ZNF441: variants seen among roughly 807,000 people sequenced by gnomAD.
The protein encoded by ZNF441 is zinc finger protein 441.
A neutral mutation model predicts 64.5 loss-of-function variants in ZNF441; 25 were observed. That is an observed-to-expected ratio of 0.39 (90% confidence interval 0.28 to 0.54). The LOEUF is 0.54. ZNF441 is among the 20% of genes least tolerant of loss of function. The pLI is 0.70. For missense variants in ZNF441, 715 were observed against 843.3 expected, an observed-to-expected ratio of 0.85 and a Z score of 1.88; for synonymous variants, 262 against 268.0, an observed-to-expected ratio of 0.98 and a Z score of 0.22.
At position 11,783,233 on chromosome 19, in the gene ZNF441, C is replaced by A. The variant is rs1975418081; in HGVS notation, c.*1327C>A. 6.6e-6 allele frequency: 1 copy of A among 151,996 alleles called. No homozygotes were observed. The highest frequency in any genetic ancestry group is 2.1e-4 in the South Asian group (1 of 4,820). 9.4% of individuals were successfully genotyped at this position (151,996 alleles called of 1,614,324 possible). On this transcript the variant is annotated 3_prime_UTR_variant, in exon 4 of 4. Coordinates refer to ENST00000357901, the MANE Select transcript of ZNF441 (RefSeq NM_152355.3). ...ATGATTAGGAAAATGCAAATTGAAA[C>A]CACAATGAGATACTCTACTTAGAAT...
chr19:11,780,822 A>G lies in ZNF441; in HGVS notation c.998A>G (p.Glu333Gly). Reference sequence around the variant, plus strand: ...AGACATAAAAGAACTCACACTGGAGAGAAACCGTATGAATGTAAGTATTGT... The same window carrying G: ...AGACATAAAAGAACTCACACTGGAGGGAAACCGTATGAATGTAAGTATTGT... ...VRRHKRTHTG[E>G]KPYECKYCGK... The change falls in exon 4 of 4, where the codon GAG becomes GGG. Residue 333 changes from glutamate to glycine, a missense_variant. Around this residue, in one of 2 missense-constraint regions of ZNF441, gnomAD observed 399 missense variants for 413.9 expected, o/e 0.96. Transcript: ENST00000357901. 2.5e-6 allele frequency: 4 copies of G among 1,614,204 alleles called. No individual in the cohort carries two copies. The highest frequency in any genetic ancestry group is 3.4e-6 in the Non-Finnish European group (4 of 1,180,028).
chr19:11,778,107 A>G (rs988487535), intron 2 of ZNF441: 6 of 491,104 alleles, frequency 1.2e-5, no homozygotes, highest in African/African-American at 4.0e-5. Context: ...TTGTCTTTAC[A>G]TTGAGTAGAC....
intron 3 of ZNF441, among the ~76,000 whole-genome samples, chr19:11,778,732 G>T (rs1403513455): frequency 6.6e-6 from 1 of 152,146 alleles, no homozygotes; most frequent in African/African-American, 2.4e-5. Context: ...GGCAGGTATT[G>T]CAGGCATGAG....
At chr19:11,779,135 G>A (rs772502703) in intron 3 of ZNF441, among the ~76,000 whole-genome samples, 3 of 151,184 alleles carry the variant, frequency 2.0e-5, no homozygotes, top group Non-Finnish European at 4.4e-5. Flanking sequence ...CCTGGGCAAC[G>A]TGGCAAGACG....
At chr19:11,779,464 C>T (rs1352526136) in intron 3 of ZNF441, among the ~76,000 whole-genome samples, 1 of 151,832 alleles carries the variant, frequency 6.6e-6, no homozygotes, top group Non-Finnish European at 1.5e-5. Context: ...GGTGAAACCT[C>T]GTCTCTATAA....
intron 3 of ZNF441, among the ~76,000 whole-genome samples, chr19:11,779,318 CAAAAA>C (rs67463970): frequency 1.9e-5 from 2 of 103,450 alleles, no homozygotes; most frequent in Non-Finnish European, 4.1e-5. Flanking sequence ...AACCCAGTTT[CAAAAA>C]AAAAAAAAAA....
chr19:11,774,484 T>C (rs1975339611), intron 1 of ZNF441, among the ~76,000 whole-genome samples: 1 of 152,200 alleles, frequency 6.6e-6, no homozygotes, highest in Admixed American at 6.5e-5. Flanking sequence ...TTAGTCTAAA[T>C]AACTTCAATT....
intron 1 of ZNF441, among the ~76,000 whole-genome samples, chr19:11,776,044 G>A (rs1975353010): frequency 6.6e-6 from 1 of 152,160 alleles, no homozygotes; most frequent in Admixed American, 6.5e-5. Context: ...GGTTTTTTAT[G>A]TATTTTGCAA....
At position 11,782,141 on chromosome 19, in the gene ZNF441, G is replaced by T; in HGVS notation, c.*235G>T. 2.6e-6 allele frequency: 1 copy of T among 378,538 alleles called. No homozygotes were observed. The highest frequency in any genetic ancestry group is 4.7e-6 in the Non-Finnish European group (1 of 211,108). The allele number at this position is 378,538 out of a possible 1,614,324, so 23.4% of individuals were successfully genotyped here. A position where few individuals can be genotyped will look rare whatever the true frequency, so the allele number is the denominator to read the frequency against. The stretch of plus-strand genomic sequence containing the variant: ...CTTTGTCTAGCAAACTTTCAAAGGT[G>T]GTTATTATAACATACTAGCAATGGA... On this transcript the variant is annotated 3_prime_UTR_variant, in exon 4 of 4. Coordinates refer to ENST00000357901, the MANE Select transcript of ZNF441 (RefSeq NM_152355.3).
chr19:11,768,817 G>A (rs436643), intron 1 of ZNF441, among the ~76,000 whole-genome samples: 53,911 of 152,098 alleles, frequency 0.35, 9,934 homozygotes, highest in Middle Eastern at 0.41. Context: ...CCAATTGGAT[G>A]GTGGTATTAA....
In ZNF441 at chr19:11,767,873, C is replaced by A. The variant is rs1975283300; in HGVS notation, c.3+677C>A. 6.6e-6 allele frequency among the ~76,000 whole-genome samples: 1 copy of A among 152,164 alleles called. No individual in the cohort carries two copies. The highest frequency in any genetic ancestry group is 6.5e-5 in the Admixed American group (1 of 15,290). The stretch of plus-strand genomic sequence containing the variant: ...TGCTGTGGCCTGACTCTTGGGGAGG[C>A]GGCCCCGCGAGGCAGCGGGGCTGAG... On this transcript the variant is annotated intron_variant, in intron 1 of 3. Coordinates refer to ENST00000357901, the MANE Select transcript of ZNF441 (RefSeq NM_152355.3). This position sits in a 1 kb window ranked among gnomAD's most constrained non-coding sequence, Gnocchi z 5.1.
chr19:11,767,071 C>A lies in ZNF441; in HGVS notation c.-123C>A. On this transcript the variant is annotated 5_prime_UTR_variant, in exon 1 of 4. Transcript: ENST00000357901. The surrounding 1 kb of genome is among the most constrained non-coding windows in gnomAD (Gnocchi z 5.1). ...CCGCCGAGTCTTCTCCACGCCCCTG[C>A]ACTGGGCTCCGGGTTCTGTCACTGA... 1 of 1,449,594 alleles carries A rather than the reference C, an allele frequency of 6.9e-7. No homozygotes were observed. Among genetic ancestry groups the A allele is most frequent in the Non-Finnish European group, 9.4e-7 (1 of 1,058,944 alleles). 89.8% of individuals were successfully genotyped at this position (1,449,594 alleles called of 1,614,324 possible).
chr19:11,774,070 T>G (rs577134085), intron 1 of ZNF441, among the ~76,000 whole-genome samples: 3 of 152,258 alleles, frequency 2.0e-5, no homozygotes, highest in African/African-American at 7.2e-5. Flanking sequence ...TCTATGAGTA[T>G]AGTAAATCTC....
In ZNF441 at chr19:11,780,622, C is replaced by T. The variant is rs773607784; in HGVS notation, c.798C>T (p.Tyr266=). Residue 266 remains tyrosine, a synonymous_variant, in exon 4 of 4, where the codon TAC becomes TAT. Coordinates refer to ENST00000357901, the MANE Select transcript of ZNF441 (RefSeq NM_152355.3). The part of the protein sequence containing the change: ...QCGKAFSCSC[Y]TQLYERTHTG... ...GGAAAGCCTTCAGTTGTTCCTGTTA[C>T]ACTCAACTATATGAAAGGACTCACA... 5.0e-6 allele frequency: 8 copies of T among 1,614,120 alleles called. No homozygotes were observed. Among genetic ancestry groups the T allele is most frequent in the Non-Finnish European group, 6.8e-6 (8 of 1,180,026 alleles).
intron 1 of ZNF441, among the ~76,000 whole-genome samples, chr19:11,772,374 C>T (rs531865116): frequency 6.6e-6 from 1 of 152,236 alleles, no homozygotes; most frequent in African/African-American, 2.4e-5. Context: ...AGAAACTCAC[C>T]GACCCTGTGG....
chr19:11,780,795 G>A lies in ZNF441; in HGVS notation c.971G>A (p.Arg324Gln), dbSNP rs772340262. Residue 324 changes from arginine (R) to glutamine (Q), a missense_variant, in exon 4 of 4, where the codon CGA (arginine) becomes CAA (glutamine). By Grantham distance (43) the Arg-to-Gln change is conservative. Coordinates refer to ENST00000357901, the MANE Select transcript of ZNF441 (RefSeq NM_152355.3). ...GKGFLSPSSV[R>Q]RHKRTHTGEK... ...GGCTTTCTTTCTCCCAGTTCAGTTC[G>A]AAGACATAAAAGAACTCACACTGGA... 15 of 1,613,920 alleles carry A rather than the reference G, an allele frequency of 9.3e-6. No homozygotes were observed. The highest frequency in any genetic ancestry group is 4.0e-5 in the African/African-American group (3 of 74,884).
intron 3 of ZNF441, 139 bp from the exon 4 acceptor site, chr19:11,779,880 C>A: frequency 1.3e-6 from 1 of 748,538 alleles, no homozygotes; most frequent in Non-Finnish European, 2.1e-6. Context: ...CACTACACTC[C>A]AGCCTGGGCA....
At chr19:11,770,735 G>A (rs1975306475) in intron 1 of ZNF441, among the ~76,000 whole-genome samples, 1 of 152,000 alleles carries the variant, frequency 6.6e-6, no homozygotes, top group Non-Finnish European at 1.5e-5. Flanking sequence ...GTGGCTGGAT[G>A]TGCCACCCCA....
In ZNF441 at chr19:11,783,756, G is replaced by C. The variant is rs1975423214; in HGVS notation, c.*1850G>C. 1 of 152,116 alleles carries C rather than the reference G, an allele frequency of 6.6e-6. No homozygotes were observed. Among genetic ancestry groups the C allele is most frequent in the African/African-American group, 2.4e-5 (1 of 41,442 alleles). The allele number at this position is 152,116 out of a possible 1,614,324, so 9.4% of individuals were successfully genotyped here. A position where few individuals can be genotyped will look rare whatever the true frequency, so the allele number is the denominator to read the frequency against. On this transcript the variant is annotated 3_prime_UTR_variant, in exon 4 of 4. Coordinates refer to ENST00000357901, the MANE Select transcript of ZNF441 (RefSeq NM_152355.3). ...GATAGGGAATAGAATAAGTTATCCG[G>C]GGCTGAGAAGGGGAAATGAAGAGAA...
Sources: gnomAD v4.1 joint callset for allele counts (sites outside exome capture counted in the v4.1 genomes callset) on GRCh38, gnomAD v4.1.1 for gene constraint, gnomAD v4.1.1 regional missense constraint, Gnocchi (gnomAD v3.1) non-coding constraint, MANE v1.5 for transcripts, NCBI Gene and HGNC (gene_info 2026-07-23, HGNC 2026-07-21) for gene names.